NCKAP5: variants seen among roughly 807,000 people sequenced by gnomAD.
NCKAP5 encodes the protein nck-associated protein 5.
In NCKAP5, 92 loss-of-function variants were observed where a neutral mutation model predicts 167.0. That is an observed-to-expected ratio of 0.55 (90% CI 0.47 to 0.66). The LOEUF is 0.66. NCKAP5 is among the 30% of genes least tolerant of loss of function. NCKAP5 has a pLI of 0.00. For synonymous variants in NCKAP5, 891 were observed against 877.4 expected (o/e 1.02, Z -0.27); for missense variants, 2,378 against 2,315.0 (o/e 1.03, Z -0.56).
rs560362065 is a variant in NCKAP5, at chr2:133,171,652, G to A, written c.208-41541C>T. Among the ~76,000 whole-genome samples the A allele has an allele frequency of 2.0e-5, 3 of 152,282 alleles. No homozygotes were observed. The Middle Eastern group carries it at 0.01, about 518-fold the overall frequency. On this transcript the variant is annotated intron_variant, in intron 5 of 19. Transcript: ENST00000409261. ...ATAAAATCATCTCAAAGGAGAAAAG[G>A]TGCTTAGCTTCTTCCTCTCCCAGCT...
intron 3 of NCKAP5, among the ~76,000 whole-genome samples, chr2:133,502,250 A>T (rs1390378603): frequency 6.6e-6 from 1 of 152,202 alleles, no homozygotes; most frequent in Non-Finnish European, 1.5e-5. Context: ...AAGAAATGCC[A>T]TGCTTGGCTT....
chr2:133,393,232 A>C (rs1416998144), intron 3 of NCKAP5, among the ~76,000 whole-genome samples: 3 of 152,224 alleles, frequency 2.0e-5, no homozygotes, highest in African/African-American at 7.2e-5. Context: ...GCCATTGAGT[A>C]ATAAACTCAG....
chr2:133,244,927 T>C (rs1414389553), intron 4 of NCKAP5, among the ~76,000 whole-genome samples: 2 of 152,212 alleles, frequency 1.3e-5, no homozygotes, highest in Non-Finnish European at 2.9e-5. Flanking sequence ...TCTTAACACA[T>C]AGCAAGTACT....
chr2:133,277,082 C>T (rs2089760134), intron 4 of NCKAP5, among the ~76,000 whole-genome samples: 1 of 152,136 alleles, frequency 6.6e-6, no homozygotes, highest in Non-Finnish European at 1.5e-5. Context: ...ACATCAGTAT[C>T]TCACTTAAGG....
At chr2:133,640,717 T>C in the NCKAP5 span, among the ~76,000 whole-genome samples, 1 of 152,226 alleles carries the variant, frequency 6.6e-6, no homozygotes, top group Non-Finnish European at 1.5e-5. Flanking sequence ...ATCAGATCTT[T>C]TGATAAATAT....
chr2:132,675,831 G>T (rs1408872530), intron 19 of NCKAP5, among the ~76,000 whole-genome samples: 1 of 143,896 alleles, frequency 6.9e-6, no homozygotes, highest in Non-Finnish European at 1.5e-5. Flanking sequence ...TGAAAGAAGG[G>T]ACCATTATTT....
intron 16 of NCKAP5, among the ~76,000 whole-genome samples, chr2:132,762,314 C>T (rs567469317): frequency 2.0e-5 from 3 of 150,390 alleles, no homozygotes; most frequent in Admixed American, 6.6e-5. Flanking sequence ...GGACAGCTTT[C>T]AGGTTTTTGC....
At chr2:133,237,932 G>C (rs1366525640) in intron 4 of NCKAP5, among the ~76,000 whole-genome samples, 1 of 152,168 alleles carries the variant, frequency 6.6e-6, no homozygotes, top group Non-Finnish European at 1.5e-5. Flanking sequence ...CTAATGGAAA[G>C]TAACCAAGTT....
At chr2:132,920,446 C>A (rs1695227514) in intron 8 of NCKAP5, among the ~76,000 whole-genome samples, 1 of 150,780 alleles carries the variant, frequency 6.6e-6, no homozygotes, top group Non-Finnish European at 1.5e-5. Flanking sequence ...AAAAGTTAGG[C>A]AGAGAAAAAA....
At chr2:133,386,420 T>C (rs75434989) in intron 3 of NCKAP5, among the ~76,000 whole-genome samples, 45,247 of 152,060 alleles carry the variant, frequency 0.3, 7,426 homozygotes, top group African/African-American at 0.44. Flanking sequence ...AGACAGTTTG[T>C]TATAATTTCT....
intron 16 of NCKAP5, among the ~76,000 whole-genome samples, chr2:132,769,053 T>C (rs1371315403): frequency 6.6e-6 from 1 of 150,906 alleles, no homozygotes; most frequent in East Asian, 2.0e-4. Context: ...CAAGCAATTC[T>C]ACTGCTTCAG....
intron 2 of NCKAP5, among the ~76,000 whole-genome samples, chr2:133,527,891 C>T (rs1274369397): frequency 6.6e-6 from 1 of 151,874 alleles, no homozygotes; most frequent in Non-Finnish European, 1.5e-5. Context: ...ATAGTGAGAC[C>T]CCTGTCTGTA....
chr2:132,899,950 T>C (rs1050159121), intron 8 of NCKAP5, among the ~76,000 whole-genome samples: 4 of 152,154 alleles, frequency 2.6e-5, no homozygotes, highest in African/African-American at 9.7e-5. Flanking sequence ...TTCCTTTTAC[T>C]TGAATACTTA....
intron 3 of NCKAP5, among the ~76,000 whole-genome samples, chr2:133,461,408 G>A (rs1157771042): frequency 6.6e-6 from 1 of 151,986 alleles, no homozygotes; most frequent in African/African-American, 2.4e-5. Flanking sequence ...TTTTCTAACA[G>A]CTACGCATTA....
chr2:132,948,638 C>G (rs1052945460), intron 8 of NCKAP5, among the ~76,000 whole-genome samples: 2 of 152,148 alleles, frequency 1.3e-5, no homozygotes, highest in Non-Finnish European at 2.9e-5. Flanking sequence ...AAAGAAATAG[C>G]ACCACCCTCC....
intron 8 of NCKAP5, among the ~76,000 whole-genome samples, chr2:132,882,423 A>G (rs1286145862): frequency 2.0e-5 from 3 of 152,128 alleles, no homozygotes; most frequent in Admixed American, 6.5e-5. Flanking sequence ...TTTTCATATT[A>G]GTATCTTCCT....
chr2:133,362,593 A>G (rs890326869), intron 3 of NCKAP5, among the ~76,000 whole-genome samples: 14 of 152,222 alleles, frequency 9.2e-5, no homozygotes, highest in African/African-American at 2.9e-4. Context: ...GTTTTAAAAG[A>G]GAGTGTATGA....
intron 19 of NCKAP5, among the ~76,000 whole-genome samples, chr2:132,706,084 TAC>T (rs1169693018): frequency 4.6e-5 from 7 of 151,924 alleles, no homozygotes; most frequent in African/African-American, 1.4e-4. Flanking sequence ...TTATATACAT[TAC>T]ACACACACAC....
At chr2:132,976,283 G>C (rs991874729) in intron 7 of NCKAP5, among the ~76,000 whole-genome samples, 1 of 152,160 alleles carries the variant, frequency 6.6e-6, no homozygotes, top group Non-Finnish European at 1.5e-5. Context: ...TCAGATAGGA[G>C]ACCAGATGCA....
Sources: allele counts gnomAD v4.1 joint callset (sites outside exome capture counted in the v4.1 genomes callset), GRCh38; gene constraint gnomAD v4.1.1; transcripts MANE v1.5; gene names NCBI Gene and HGNC (gene_info 2026-07-23, HGNC 2026-07-21).